Variants in CAMK4 observed in about 807,000 individuals in gnomAD.
The protein encoded by CAMK4 is calcium/calmodulin dependent protein kinase IV.
Under a neutral mutation model 44.9 loss-of-function variants are expected in CAMK4, and 22 were observed. That is an observed-to-expected ratio of 0.49 (90% CI 0.35 to 0.70). The LOEUF (loss-of-function observed/expected upper bound fraction) is 0.70, where lower values mean the gene tolerates loss of function less well. CAMK4 is among the 30% of genes least tolerant of loss of function. The pLI, the probability that CAMK4 is intolerant of heterozygous loss-of-function variation, is 0.01. For missense variants in CAMK4, 498 were observed against 586.8 expected, an observed-to-expected ratio of 0.85 and a Z score of 1.56; for synonymous variants, 218 against 215.4, an observed-to-expected ratio of 1.01 and a Z score of -0.11.
At position 111,484,340 on chromosome 5, in the gene CAMK4, AGAG is replaced by A. The variant is rs1355820784; in HGVS notation, c.1301_1303del (p.Glu434del). On this transcript the variant is annotated inframe_deletion, in exon 11 of 11. Transcript: ENST00000282356. The surrounding 1 kb of genome is among the most constrained non-coding windows in gnomAD (Gnocchi z 5.3). Reference sequence around the variant, plus strand: ...GGATAAAGGTGGCTGACCTGGAACTAGAGGAGGGCCTAGCAGAGGAGAAGCTGA... The same window carrying A: ...GGATAAAGGTGGCTGACCTGGAACTAGAGGGCCTAGCAGAGGAGAAGCTGA... The A allele has an allele frequency of 1.2e-6, 2 of 1,613,514 alleles. No individual in the cohort carries two copies. The highest frequency in any genetic ancestry group is 8.5e-7 in the Non-Finnish European group (1 of 1,179,834).
At position 111,238,808 on chromosome 5, in the gene CAMK4, C is replaced by CTTT. The variant is rs57552178; in HGVS notation, c.161+14190_161+14192dup. Among the ~76,000 whole-genome samples, 58 of 45,938 alleles carry CTTT rather than the reference C, an allele frequency of 1.3e-3. 6 individuals are homozygous for CTTT. Among genetic ancestry groups the CTTT allele is most frequent in the African/African-American group, 5.2e-3 (57 of 10,990 alleles). 30.1% of individuals were successfully genotyped at this position (45,938 alleles called of 152,430 possible). The stretch of plus-strand genomic sequence containing the variant: ...CTAAAGCTGACTCTCAGAGGCTCTT[C>CTTT]TTTTTTTTTTTTTTTTTTTTTTTTT... On this transcript the variant is annotated intron_variant, in intron 1 of 10. Transcript: ENST00000282356.
In CAMK4 at chr5:111,432,662, G is replaced by GTATATATA. The variant is rs58147378; in HGVS notation, c.460-14011_460-14004dup. ...CATATATATATGTATATATGTGTGT[G>GTATATATA]TATATATATATATATATATACATTT... On this transcript the variant is annotated intron_variant, in intron 5 of 10. Transcript: ENST00000282356. Among the ~76,000 whole-genome samples, 503 of 142,936 alleles carry GTATATATA rather than the reference G, an allele frequency of 3.5e-3. 3 individuals are homozygous for GTATATATA. Among genetic ancestry groups the GTATATATA allele is most frequent in the African/African-American group, 8.3e-3 (323 of 38,852 alleles). The allele number at this position is 142,936 out of a possible 152,430, so 93.8% of individuals were successfully genotyped here. A position where few individuals can be genotyped will look rare whatever the true frequency, so the allele number is the denominator to read the frequency against.
At chr5:111,450,362 A>C (rs2112979784) in intron 7 of CAMK4, among the ~76,000 whole-genome samples, 1 of 151,860 alleles carries the variant, frequency 6.6e-6, no homozygotes, top group East Asian at 1.9e-4. Flanking sequence ...ATTTTTACAC[A>C]AATGTCCTTT....
chr5:111,251,141 T>C (rs548409225), intron 1 of CAMK4, among the ~76,000 whole-genome samples: 1 of 152,348 alleles, frequency 6.6e-6, no homozygotes, highest in South Asian at 2.1e-4. Flanking sequence ...TGTTATCCAC[T>C]CCTGTAAGGT....
intron 1 of CAMK4, among the ~76,000 whole-genome samples, chr5:111,253,267 C>T (rs983265550): frequency 1.8e-4 from 27 of 152,294 alleles, no homozygotes; most frequent in African/African-American, 5.3e-4. Context: ...AAAGGACCTT[C>T]GGGTTCTGGC....
intron 1 of CAMK4, among the ~76,000 whole-genome samples, chr5:111,313,814 T>C (rs1748309356): frequency 1.3e-5 from 2 of 152,146 alleles, no homozygotes; most frequent in Admixed American, 1.3e-4. Context: ...CATAGCTACT[T>C]GCTGCTTACA....
At chr5:111,237,586 A>C (rs1748786385) in intron 1 of CAMK4, among the ~76,000 whole-genome samples, 1 of 152,230 alleles carries the variant, frequency 6.6e-6, no homozygotes, top group Non-Finnish European at 1.5e-5. Context: ...AGACTATACA[A>C]ATGCTAGCAC....
chr5:111,277,897 ATT>A (rs1287588923), intron 1 of CAMK4, among the ~76,000 whole-genome samples: 1 of 152,162 alleles, frequency 6.6e-6, no homozygotes, highest in Non-Finnish European at 1.5e-5. Flanking sequence ...ATCCTGGAAA[ATT>A]TTTAAATTCA....
intron 6 of CAMK4, among the ~76,000 whole-genome samples, chr5:111,448,165 T>C (rs1242538912): frequency 1.3e-5 from 2 of 152,188 alleles, no homozygotes; most frequent in African/African-American, 4.8e-5. Context: ...GCTCAGCAAA[T>C]AGTTCATAAT....
intron 6 of CAMK4, 91 bp downstream of exon 6, chr5:111,446,867 T>G (rs1201488347): frequency 3.0e-5 from 23 of 779,056 alleles, no homozygotes; most frequent in Non-Finnish European, 5.1e-5. Context: ...TCCATCCAGT[T>G]TTACATCCAT....
At chr5:111,230,536 A>C in intron 1 of CAMK4, among the ~76,000 whole-genome samples, 1 of 150,692 alleles carries the variant, frequency 6.6e-6, no homozygotes, top group East Asian at 2.0e-4. Context: ...ATACTGTCAC[A>C]AGGTTAAAAA....
At chr5:111,320,529 A>G (rs766604882) in intron 1 of CAMK4, among the ~76,000 whole-genome samples, 9 of 152,112 alleles carry the variant, frequency 5.9e-5, no homozygotes, top group Non-Finnish European at 1.3e-4. Flanking sequence ...TGCTTTTGAG[A>G]TGGAGTTTCG....
chr5:111,273,677 TTATATATATATATATATATATATATATA>T (rs1160351356), intron 1 of CAMK4, among the ~76,000 whole-genome samples: 1 of 41,124 alleles, frequency 2.4e-5, no homozygotes, highest in Non-Finnish European at 5.4e-5. Context: ...AAAAATGCAT[TTATATATATATATATATATATATATATA>T]TATATATATA....
At chr5:111,317,898 TAAAAAAAAAAAAAAA>T (rs3066636) in intron 1 of CAMK4, among the ~76,000 whole-genome samples, 14 of 69,818 alleles carry the variant, frequency 2.0e-4, no homozygotes, top group African/African-American at 5.7e-4. Flanking sequence ...GAGTAATATG[TAAAAAAAAAAAAAAA>T]AAAAAAAAAA....
intron 2 of CAMK4, among the ~76,000 whole-genome samples, chr5:111,366,387 A>C (rs28617183): frequency 0.011 from 1,697 of 152,226 alleles, 13 homozygotes; most frequent in Non-Finnish European, 0.017. Context: ...CCAGTTTTCC[A>C]AGAGTGTTTG....
chr5:111,301,765 A>G (rs1256600294), intron 1 of CAMK4, among the ~76,000 whole-genome samples: 1 of 152,152 alleles, frequency 6.6e-6, no homozygotes, highest in Non-Finnish European at 1.5e-5. Flanking sequence ...CAACTTTCCT[A>G]TACATAAACT....
At chr5:111,449,338 G>A (rs1754148806) in intron 7 of CAMK4, 135 bp downstream of exon 7, 1 of 507,708 alleles carries the variant, frequency 2.0e-6, no homozygotes, top group Non-Finnish European at 3.5e-6. Context: ...CTATGAGGAA[G>A]GCATACATAA....
Position 111,485,936 on chromosome 5 carries a change from T to C in CAMK4, c.*1470T>C, listed in dbSNP as rs1755600859. On this transcript the variant is annotated 3_prime_UTR_variant, in exon 11 of 11. Transcript: ENST00000282356. The stretch of plus-strand genomic sequence containing the variant: ...AATTATGTGTCACATTTTTGGTGGG[T>C]TTTCTCAATTTTAAAAAAGAATTCA... 6.6e-6 allele frequency: 1 copy of C among 152,088 alleles called. No individual in the cohort carries two copies. Among genetic ancestry groups the C allele is most frequent in the South Asian group, 2.1e-4 (1 of 4,820 alleles). The allele number at this position is 152,088 out of a possible 1,614,324, so 9.4% of individuals were successfully genotyped here. A position where few individuals can be genotyped will look rare whatever the true frequency, so the allele number is the denominator to read the frequency against.
At chr5:111,321,269 G>A (rs973637970) in intron 1 of CAMK4, among the ~76,000 whole-genome samples, 2 of 152,102 alleles carry the variant, frequency 1.3e-5, no homozygotes, top group South Asian at 4.1e-4. Flanking sequence ...GACACAAGAA[G>A]GAGTTAGTGT....
Sources: allele counts gnomAD v4.1 joint callset (sites outside exome capture counted in the v4.1 genomes callset), GRCh38; gene constraint gnomAD v4.1.1; non-coding constraint Gnocchi (gnomAD v3.1); transcripts MANE v1.5; gene names NCBI Gene and HGNC (gene_info 2026-07-23, HGNC 2026-07-21).